STRBP: variants seen among roughly 807,000 people sequenced by gnomAD.
The protein encoded by STRBP is spermatid perinuclear RNA binding protein.
STRBP carries 13 observed loss-of-function variants against 80.1 expected under a neutral mutation model. The observed-to-expected ratio is 0.16, with a 90% CI of 0.11 to 0.26. The LOEUF is 0.26. STRBP is among the 10% of genes least tolerant of loss of function. The probability of loss-of-function intolerance (pLI) is 1.00; values close to 1 mark genes in which losing one functional copy is unlikely to be tolerated. For synonymous variants in STRBP, 284 were observed against 291.2 expected (o/e 0.98, Z 0.25); for missense variants, 485 against 815.2 (o/e 0.59, Z 4.93).
chr9:123,185,772 A>G (rs1363104456), intron 2 of STRBP, among the ~76,000 whole-genome samples: 1 of 152,170 alleles, frequency 6.6e-6, no homozygotes, highest in Non-Finnish European at 1.5e-5. Context: ...CAAGTGAAAC[A>G]AAGTACACAA....
intron 13 of STRBP, among the ~76,000 whole-genome samples, chr9:123,142,806 GTTTGGAAT>G (rs1233224210): frequency 6.6e-6 from 1 of 151,722 alleles, no homozygotes; most frequent in Admixed American, 6.6e-5. Context: ...AACCAAGTTT[GTTTGGAAT>G]CCATGTTAAT....
chr9:123,145,862 A>T (rs1427868437), intron 13 of STRBP, among the ~76,000 whole-genome samples: 2 of 152,146 alleles, frequency 1.3e-5, no homozygotes, highest in Non-Finnish European at 2.9e-5. Flanking sequence ...AGTAATATAT[A>T]GTGTTTGACA....
Position 123,115,381 on chromosome 9 carries a change from G to A in STRBP, c.*84+548C>T. ...CGGGCCTGCCAGCGCCCAGCCCAGG[G>A]CTGGCAAGGAGGATCCCTAGCAGGG... On this transcript the variant is annotated intron_variant and NMD_transcript_variant, in intron 3 of 3. Coordinates refer to the STRBP transcript ENST00000471564. The surrounding 1 kb of genome is among the most constrained non-coding windows in gnomAD (Gnocchi z 5.0). 1 of 471,116 alleles carries A rather than the reference G, an allele frequency of 2.1e-6. No homozygotes were observed. Among genetic ancestry groups the A allele is most frequent in the Non-Finnish European group, 4.4e-6 (1 of 227,032 alleles). 29.2% of individuals were successfully genotyped at this position (471,116 alleles called of 1,614,324 possible). A position where few individuals can be genotyped will look rare whatever the true frequency, so the allele number is the denominator to read the frequency against.
At position 123,124,326 on chromosome 9, in the gene STRBP, A is replaced by T; in HGVS notation, c.*1271T>A. The stretch of plus-strand genomic sequence containing the variant: ...CTTCATGGGGGTGAGTACCTTAATG[A>T]AACCATTGACCTAGTAACATCATTG... On this transcript the variant is annotated 3_prime_UTR_variant, in exon 19 of 19. Transcript: ENST00000348403. The T allele has an allele frequency of 1.0e-6, 1 of 985,452 alleles. No individual in the cohort carries two copies. The highest frequency in any genetic ancestry group is 1.2e-6 in the Non-Finnish European group (1 of 829,942). The allele number at this position is 985,452 out of a possible 1,614,324, so 61.0% of individuals were successfully genotyped here.
At chr9:123,241,463 C>T (rs564417748) in intron 1 of STRBP, among the ~76,000 whole-genome samples, 4 of 152,034 alleles carry the variant, frequency 2.6e-5, no homozygotes, top group East Asian at 1.9e-4. Flanking sequence ...GAGCCGTGAT[C>T]GTGCCACTGC....
At chr9:123,263,922 G>A (rs2041212991) in intron 1 of STRBP, among the ~76,000 whole-genome samples, 1 of 152,240 alleles carries the variant, frequency 6.6e-6, no homozygotes, top group Non-Finnish European at 1.5e-5. Context: ...GCTCACGCCT[G>A]TAATCCCAGC....
intron 2 of STRBP, among the ~76,000 whole-genome samples, chr9:123,207,595 G>C (rs560419237): frequency 9.2e-5 from 14 of 152,124 alleles, no homozygotes; most frequent in Admixed American, 6.5e-4. Context: ...GGGGTCGGGG[G>C]CTAGGGGAGG....
intron 3 of STRBP, chr9:123,181,108 A>C (rs1439433495): frequency 6.1e-6 from 1 of 163,852 alleles, no homozygotes; most frequent in African/African-American, 2.4e-5. Flanking sequence ...ATAAAAACAG[A>C]GCTAAAATAG....
chr9:123,251,975 G>C (rs2040926489), intron 1 of STRBP, among the ~76,000 whole-genome samples: 1 of 152,036 alleles, frequency 6.6e-6, no homozygotes, highest in Admixed American at 6.6e-5. Flanking sequence ...CTAACTGAAA[G>C]GGATTGCTAT....
intron 2 of STRBP, among the ~76,000 whole-genome samples, chr9:123,205,076 G>C (rs1218661450): frequency 6.6e-6 from 1 of 152,018 alleles, no homozygotes; most frequent in Middle Eastern, 3.2e-3. Context: ...GACCAGCCTG[G>C]CCAACATGGC....
intron 17 of STRBP, among the ~76,000 whole-genome samples, chr9:123,129,550 C>T (rs1191943731): frequency 2.6e-5 from 4 of 152,162 alleles, no homozygotes; most frequent in Non-Finnish European, 5.9e-5. Context: ...CTCTGGATGA[C>T]CAACTGCAAC....
intron 1 of STRBP, among the ~76,000 whole-genome samples, chr9:123,245,341 A>T (rs975372104): frequency 6.6e-6 from 1 of 152,188 alleles, no homozygotes; most frequent in African/African-American, 2.4e-5. Context: ...ATTAAATTAG[A>T]ATCCTCAAGG....
intron 2 of STRBP, among the ~76,000 whole-genome samples, chr9:123,234,785 C>G (rs1006613207): frequency 5.3e-5 from 8 of 151,864 alleles, no homozygotes; most frequent in Admixed American, 3.9e-4. Flanking sequence ...GATGGTAAAA[C>G]CCTACCTCTA....
chr9:123,140,961 G>A (rs767405363), intron 13 of STRBP, among the ~76,000 whole-genome samples: 3 of 152,184 alleles, frequency 2.0e-5, no homozygotes, highest in Non-Finnish European at 4.4e-5. Context: ...AAAGGAGGTT[G>A]ATATAGCTTT....
intron 2 of STRBP, among the ~76,000 whole-genome samples, chr9:123,185,053 A>G (rs377384176): frequency 2.0e-4 from 31 of 152,164 alleles, no homozygotes; most frequent in African/African-American, 7.0e-4. Flanking sequence ...AGCACTGATG[A>G]AACACTTATA....
rs138114964 is a variant in STRBP, at chr9:123,254,385, C to T, written c.-302+14051G>A. Among the ~76,000 whole-genome samples the T allele has an allele frequency of 9.7e-3, 1,433 of 147,734 alleles. 21 individuals are homozygous for T. Among genetic ancestry groups the T allele is most frequent in the African/African-American group, 0.033 (1,341 of 40,286 alleles). On this transcript the variant is annotated intron_variant, in intron 1 of 18. Coordinates refer to ENST00000348403, the MANE Select transcript of STRBP (RefSeq NM_018387.5). ...CTGAGGCAGAAGAATGGCATGAACC[C>T]GGGAGGCGGAGCCTGCAGTGAACCC...
chr9:123,147,563 A>T (rs1341834543), intron 12 of STRBP, among the ~76,000 whole-genome samples: 5 of 150,854 alleles, frequency 3.3e-5, no homozygotes, highest in Non-Finnish European at 7.4e-5. Context: ...TGTGATCCCT[A>T]CTATTTGAGA....
chr9:123,234,999 G>A (rs981683980), intron 2 of STRBP, among the ~76,000 whole-genome samples: 2 of 135,848 alleles, frequency 1.5e-5, no homozygotes, highest in South Asian at 2.8e-4. Flanking sequence ...TTTTTTTTGG[G>A]GGGGGGGGGT....
downstream of STRBP, among the ~76,000 whole-genome samples, chr9:123,120,505 A>AGGGGGGGGGGGGG (rs2035716293): frequency 8.3e-4 from 1 of 1,210 alleles, no homozygotes; most frequent in Non-Finnish European, 2.0e-3. Flanking sequence ...GGGGGGGGGC[A>AGGGGGGGGGGGGG]GGGGCGGGGA....
Sources: gnomAD v4.1 joint callset for allele counts (sites outside exome capture counted in the v4.1 genomes callset) on GRCh38, gnomAD v4.1.1 for gene constraint, Gnocchi (gnomAD v3.1) non-coding constraint, MANE v1.5 for transcripts, NCBI Gene and HGNC (gene_info 2026-07-23, HGNC 2026-07-21) for gene names.